Variants in EFNA5 observed in about 807,000 individuals in gnomAD.
EFNA5 encodes ephrin-A5.
EFNA5 carries 5 observed loss-of-function variants against 22.9 expected under a neutral mutation model. That is an observed-to-expected ratio of 0.22 (90% CI 0.11 to 0.46). The LOEUF is 0.46. Among genes scored for constraint, EFNA5 ranks in the 20% least tolerant of loss-of-function variants. The probability of loss-of-function intolerance (pLI) is 0.99; values close to 1 mark genes in which losing one functional copy is unlikely to be tolerated. For missense variants in EFNA5, 237 were observed against 293.3 expected (o/e 0.81, Z 1.40); for synonymous variants, 113 against 112.2 (o/e 1.01, Z -0.04).
At chr5:107,651,247 T>C (rs1293874296) in intron 1 of EFNA5, among the ~76,000 whole-genome samples, 1 of 152,104 alleles carries the variant, frequency 6.6e-6, no homozygotes, top group Non-Finnish European at 1.5e-5. Flanking sequence ...AAACAAGAAT[T>C]ATAATACTTC....
chr5:107,617,209 T>TACACACACACACAC lies in EFNA5; in HGVS notation c.125+53266_125+53279dup, dbSNP rs373146585. On this transcript the variant is annotated intron_variant, in intron 1 of 4. Transcript: ENST00000333274. ...CATTACACATACTTACATGTGCACA[T>TACACACACACACAC]ACACACACACACACACACACACACA... 2.1e-5 allele frequency among the ~76,000 whole-genome samples: 3 copies of TACACACACACACAC among 141,154 alleles called. 1 individual carries two copies. The highest frequency in any genetic ancestry group is 8.4e-5 in the African/African-American group (3 of 35,672). 92.6% of individuals were successfully genotyped at this position (141,154 alleles called of 152,430 possible).
At chr5:107,397,727 T>C (rs1269154167) in intron 2 of EFNA5, among the ~76,000 whole-genome samples, 1 of 152,196 alleles carries the variant, frequency 6.6e-6, no homozygotes, top group Non-Finnish European at 1.5e-5. Context: ...AATGGAATCC[T>C]AGAGGCCTGA....
intron 2 of EFNA5, among the ~76,000 whole-genome samples, chr5:107,391,880 G>A (rs1373757848): frequency 6.6e-6 from 1 of 152,106 alleles, no homozygotes; most frequent in African/African-American, 2.4e-5. Flanking sequence ...TGCTAATAAG[G>A]CCATGAGGGC....
chr5:107,524,893 T>C (rs1015695261), intron 1 of EFNA5, among the ~76,000 whole-genome samples: 2 of 152,204 alleles, frequency 1.3e-5, no homozygotes, highest in African/African-American at 4.8e-5. Flanking sequence ...GTAGTAAATA[T>C]TAAACTTCTA....
intron 1 of EFNA5, among the ~76,000 whole-genome samples, chr5:107,582,018 G>C (rs916740904): frequency 2.0e-5 from 3 of 152,078 alleles, no homozygotes; most frequent in African/African-American, 7.2e-5. Context: ...CTTTGCATAG[G>C]TACCCAGAAA....
intron 4 of EFNA5, among the ~76,000 whole-genome samples, chr5:107,386,548 C>T (rs75879023): frequency 0.011 from 1,682 of 152,168 alleles, 33 homozygotes; most frequent in African/African-American, 0.036. Context: ...GGAAGTCAAT[C>T]GTAGAAAAGT....
chr5:107,476,057 T>TATATATATATGTATATATATATATA, intron 1 of EFNA5, among the ~76,000 whole-genome samples: 15 of 100,408 alleles, frequency 1.5e-4, no homozygotes, highest in Middle Eastern at 4.5e-3. Flanking sequence ...TATATATATA[T>TATATATATATGTATATATATATATA]TTTTTTTTTT....
intron 1 of EFNA5, among the ~76,000 whole-genome samples, chr5:107,435,879 T>A (rs1749097948): frequency 6.6e-6 from 1 of 152,228 alleles, no homozygotes; most frequent in Non-Finnish European, 1.5e-5. Flanking sequence ...TTCTGCAGCA[T>A]AAGAGTTTTA....
At chr5:107,578,123 G>C (rs1449192342) in intron 1 of EFNA5, among the ~76,000 whole-genome samples, 5 of 152,080 alleles carry the variant, frequency 3.3e-5, no homozygotes, top group Non-Finnish European at 1.5e-5. Flanking sequence ...TAACTGACTG[G>C]TTCTTTGCCA....
chr5:107,609,901 TG>T (rs1749794788), intron 1 of EFNA5, among the ~76,000 whole-genome samples: 2 of 152,108 alleles, frequency 1.3e-5, no homozygotes, highest in South Asian at 4.1e-4. Context: ...AACCAAAAGG[TG>T]GAAGAGTCTG....
intron 1 of EFNA5, among the ~76,000 whole-genome samples, chr5:107,661,123 AAAAAAG>A (rs1438068613): frequency 7.5e-6 from 1 of 133,986 alleles, no homozygotes; most frequent in Non-Finnish European, 1.7e-5. Context: ...TTAAAAAAAA[AAAAAAG>A]AAGAAGAAGA....
At chr5:107,421,349 A>G (rs1468076335) in intron 2 of EFNA5, among the ~76,000 whole-genome samples, 2 of 152,218 alleles carry the variant, frequency 1.3e-5, no homozygotes, top group Non-Finnish European at 2.9e-5. Flanking sequence ...CTCTTTTAGT[A>G]TCATTTTCAG....
intron 1 of EFNA5, among the ~76,000 whole-genome samples, chr5:107,620,022 C>A (rs551496219): frequency 5.3e-5 from 8 of 152,206 alleles, no homozygotes; most frequent in Non-Finnish European, 1.0e-4. Context: ...GCACTGTAGG[C>A]TGACAGTAGC....
chr5:107,656,804 A>G (rs1478868653), intron 1 of EFNA5, among the ~76,000 whole-genome samples: 2 of 152,166 alleles, frequency 1.3e-5, no homozygotes, highest in Non-Finnish European at 2.9e-5. Flanking sequence ...ATTCACCACT[A>G]TAAATGGCAT....
At chr5:107,542,466 T>C (rs1412247475) in intron 1 of EFNA5, among the ~76,000 whole-genome samples, 1 of 151,984 alleles carries the variant, frequency 6.6e-6, no homozygotes, top group Non-Finnish European at 1.5e-5. Flanking sequence ...CTCTGATTTC[T>C]AAGTTCCATA....
intron 1 of EFNA5, among the ~76,000 whole-genome samples, chr5:107,488,797 G>A (rs1296490124): frequency 1.3e-5 from 2 of 152,028 alleles, no homozygotes; most frequent in Admixed American, 6.6e-5. Flanking sequence ...GTTGAAGCGA[G>A]TCTCCCGCCT....
At chr5:107,470,186 G>A (rs1750099858) in intron 1 of EFNA5, among the ~76,000 whole-genome samples, 1 of 152,154 alleles carries the variant, frequency 6.6e-6, no homozygotes. Flanking sequence ...GCCAAATCTG[G>A]CATTCTCTTG....
At chr5:107,643,395 C>T (rs1214797527) in intron 1 of EFNA5, among the ~76,000 whole-genome samples, 1 of 152,168 alleles carries the variant, frequency 6.6e-6, no homozygotes, top group African/African-American at 2.4e-5. Context: ...CTATTGACTG[C>T]ACAGAAACCC....
At chr5:107,492,525 T>C (rs1030364484) in intron 1 of EFNA5, among the ~76,000 whole-genome samples, 4 of 152,232 alleles carry the variant, frequency 2.6e-5, no homozygotes, top group African/African-American at 9.6e-5. Flanking sequence ...CATTATTTCA[T>C]TTATCAGTTG....
Sources: gnomAD v4.1 joint callset for allele counts (sites outside exome capture counted in the v4.1 genomes callset) on GRCh38, gnomAD v4.1.1 for gene constraint, MANE v1.5 for transcripts, NCBI Gene and HGNC (gene_info 2026-07-23, HGNC 2026-07-21) for gene names.